Variants in TIAM1 observed in about 807,000 individuals in gnomAD.
TIAM1 encodes the protein TIAM Rac1 associated GEF 1.
A neutral mutation model predicts 163.5 loss-of-function variants in TIAM1; 65 were observed. That is an observed-to-expected ratio of 0.40 (90% CI 0.33 to 0.49). The LOEUF (loss-of-function observed/expected upper bound fraction) is 0.49, where lower values mean the gene tolerates loss of function less well. Among genes scored for constraint, TIAM1 ranks in the 20% least tolerant of loss-of-function variants. TIAM1 has a pLI of 0.77. For missense variants in TIAM1, 1,789 were observed against 2,044.7 expected, an observed-to-expected ratio of 0.87 and a Z score of 2.41; for synonymous variants, 833 against 810.1, an observed-to-expected ratio of 1.03 and a Z score of -0.48.
At chr21:31,182,759 G>T in intron 14 of TIAM1, 114 bp from the exon 15 acceptor site, 1 of 1,066,516 alleles carries the variant, frequency 9.4e-7, no homozygotes, top group Non-Finnish European at 1.3e-6. Flanking sequence ...CCCAGGTGCT[G>T]CTGCAGACAG....
chr21:31,139,218 T>C (rs149213685), intron 22 of TIAM1, among the ~76,000 whole-genome samples: 14 of 152,300 alleles, frequency 9.2e-5, no homozygotes, highest in African/African-American at 3.4e-4. Flanking sequence ...TTCTAATCTT[T>C]AGCATCATGG....
At chr21:31,273,070 A>C (rs1361029361) in intron 3 of TIAM1, among the ~76,000 whole-genome samples, 2 of 152,184 alleles carry the variant, frequency 1.3e-5, no homozygotes, top group African/African-American at 4.8e-5. Flanking sequence ...AAGTAAACAA[A>C]AGCAAACAAA....
In TIAM1 at chr21:31,495,197, T is replaced by C. The variant is rs148506929; in HGVS notation, c.-421-31162A>G. Among the ~76,000 whole-genome samples, 365 of 152,362 alleles carry C rather than the reference T, an allele frequency of 2.4e-3. 1 individual carries two copies. The highest frequency in any genetic ancestry group is 3.8e-3 in the Non-Finnish European group (257 of 68,040). On this transcript the variant is annotated intron_variant, in intron 1 of 28. Coordinates refer to the TIAM1 transcript ENST00000286827. The stretch of plus-strand genomic sequence containing the variant: ...AACTGGTGAATTTTGGTAACGTGTA[T>C]GTCTTAATCAGCTTGTGCAGCTGCA...
chr21:31,495,336 A>C (rs1357670075), intron 1 of TIAM1, among the ~76,000 whole-genome samples: 6 of 152,172 alleles, frequency 3.9e-5, no homozygotes, highest in Admixed American at 3.3e-4. Flanking sequence ...TCTGGGGAGA[A>C]CTGCTTTCTG....
intron 1 of TIAM1, among the ~76,000 whole-genome samples, chr21:31,473,423 C>G (rs1372102920): frequency 1.3e-5 from 1 of 76,388 alleles, no homozygotes; most frequent in South Asian, 5.6e-4. Context: ...GATCAAGACT[C>G]CATCTCAAAA....
intron 2 of TIAM1, among the ~76,000 whole-genome samples, chr21:31,293,266 G>A (rs998618770): frequency 5.3e-5 from 8 of 152,126 alleles, no homozygotes; most frequent in African/African-American, 1.9e-4. Context: ...CTTCCTTCTC[G>A]GGGACCTCAG....
chr21:31,445,336 T>C (rs989680147), intron 2 of TIAM1, among the ~76,000 whole-genome samples: 2 of 152,182 alleles, frequency 1.3e-5, no homozygotes, highest in African/African-American at 2.4e-5. Flanking sequence ...CCTCACTCTG[T>C]TTAATACGTG....
intron 2 of TIAM1, among the ~76,000 whole-genome samples, chr21:31,410,731 A>C (rs1177011544): frequency 2.6e-5 from 4 of 151,918 alleles, no homozygotes; most frequent in Admixed American, 2.0e-4. Flanking sequence ...AGAGAAAGAA[A>C]GGGAGGAGAG....
chr21:31,422,902 T>C (rs2043628550), intron 2 of TIAM1, among the ~76,000 whole-genome samples: 1 of 152,116 alleles, frequency 6.6e-6, no homozygotes, highest in Non-Finnish European at 1.5e-5. Context: ...CCATTGCTCC[T>C]GCAGCACACT....
At position 31,118,654 on chromosome 21, in the gene TIAM1, C is replaced by G. The variant is rs1373742028; in HGVS notation, c.*1714G>C. 2 of 471,180 alleles carry G rather than the reference C, an allele frequency of 4.2e-6. No homozygotes were observed. Among genetic ancestry groups the G allele is most frequent in the Non-Finnish European group, 8.8e-6 (2 of 227,064 alleles). 29.2% of individuals were successfully genotyped at this position (471,180 alleles called of 1,614,324 possible). On this transcript the variant is annotated 3_prime_UTR_variant, in exon 28 of 28. Coordinates refer to ENST00000541036, the MANE Select transcript of TIAM1 (RefSeq NM_001353694.2). ...CAGTAAATGCGACGATTAGAAGCCT[C>G]TGCTTCCGTTTTCCATCTGGACGCG... is the stretch of plus-strand genomic sequence containing the variant.
intron 1 of TIAM1, among the ~76,000 whole-genome samples, chr21:31,519,474 A>G (rs974954273): frequency 2.1e-4 from 30 of 145,660 alleles, no homozygotes; most frequent in African/African-American, 6.6e-4. Flanking sequence ...GCACTACTGC[A>G]CTCCAGCCTG....
chr21:31,443,673 T>C (rs1392500053), intron 2 of TIAM1, among the ~76,000 whole-genome samples: 1 of 152,194 alleles, frequency 6.6e-6, no homozygotes. Flanking sequence ...ACTCCTGTGG[T>C]CCATCAGTGG....
At chr21:31,252,275 G>GCCAGGGCTCTGGGAC (rs2071856952) in intron 4 of TIAM1, 86 bp from the exon 5 acceptor site, 2 of 1,396,540 alleles carry the variant, frequency 1.4e-6, no homozygotes, top group African/African-American at 2.9e-5. Context: ...CCTGGGTCCA[G>GCCAGGGCTCTGGGAC]CCAGGGCTCT....
intron 1 of TIAM1, among the ~76,000 whole-genome samples, chr21:31,474,757 G>C (rs2045876389): frequency 6.6e-6 from 1 of 151,900 alleles, no homozygotes; most frequent in African/African-American, 2.4e-5. Context: ...TGTTGGTCAG[G>C]CTGGTCTCGA....
At chr21:31,489,579 C>T (rs867039213) in intron 1 of TIAM1, among the ~76,000 whole-genome samples, 3 of 151,170 alleles carry the variant, frequency 2.0e-5, no homozygotes, top group Non-Finnish European at 2.9e-5. Context: ...AGACCCCCCC[C>T]CCCTTGGCAG....
intron 2 of TIAM1, among the ~76,000 whole-genome samples, chr21:31,383,966 A>G (rs915166867): frequency 6.6e-5 from 10 of 152,146 alleles, no homozygotes; most frequent in African/African-American, 2.4e-4. Context: ...CTGCTCCTCT[A>G]TCTGCTGGGA....
chr21:31,159,245 C>A (rs1248038775), intron 16 of TIAM1, among the ~76,000 whole-genome samples: 1 of 152,028 alleles, frequency 6.6e-6, no homozygotes, highest in Non-Finnish European at 1.5e-5. Context: ...AAGGAGAGGA[C>A]AATGGCAAGA....
chr21:31,407,667 G>A (rs2077270739), intron 2 of TIAM1, among the ~76,000 whole-genome samples: 2 of 122,426 alleles, frequency 1.6e-5, no homozygotes, highest in African/African-American at 3.3e-5. Flanking sequence ...ACAGAGTCTC[G>A]CTCTGTCACC....
intron 1 of TIAM1, among the ~76,000 whole-genome samples, chr21:31,503,124 G>A (rs889797900): frequency 2.6e-5 from 4 of 152,114 alleles, no homozygotes; most frequent in Non-Finnish European, 5.9e-5. Context: ...GCTGGGTGCG[G>A]TGGTTCACGC....
Sources: allele counts gnomAD v4.1 joint callset (sites outside exome capture counted in the v4.1 genomes callset), GRCh38; gene constraint gnomAD v4.1.1; transcripts MANE v1.5; gene names NCBI Gene and HGNC (gene_info 2026-07-23, HGNC 2026-07-21).